Variants in PTBP1 observed in about 807,000 individuals in gnomAD.
PTBP1 encodes the protein polypyrimidine tract binding protein 1, also known as polypyrimidine tract-binding protein 1.
In PTBP1, 8 loss-of-function variants were observed where a neutral mutation model predicts 59.8. That is an observed-to-expected ratio of 0.13 (90% CI 0.08 to 0.24). PTBP1 has a LOEUF of 0.24. PTBP1 is among the 10% of genes least tolerant of loss of function. The pLI is 1.00. For missense variants in PTBP1, 686 were observed against 767.0 expected (o/e 0.89, Z 1.25); for synonymous variants, 490 against 320.7 (o/e 1.53, Z -5.64).
chr19:802,798 AG>A (rs1394801835), intron 2 of PTBP1, among the ~76,000 whole-genome samples: 6 of 152,210 alleles, frequency 3.9e-5, no homozygotes, highest in Non-Finnish European at 7.3e-5. Context: ...TCCTGAGCCT[AG>A]GATCAGTCTA....
chr19:806,044 C>T (rs889556480), intron 9 of PTBP1: 5 of 243,684 alleles, frequency 2.1e-5, no homozygotes, highest in South Asian at 8.7e-5. Context: ...GCCCGGCGGC[C>T]GCCTCGTCTG....
Position 808,587 on chromosome 19 carries a change from A to G in PTBP1, c.1288A>G (p.Ile430Val), listed in dbSNP as rs2034693796. 1 of 1,606,394 alleles carries G rather than the reference A, an allele frequency of 6.2e-7. No individual in the cohort carries two copies. Among genetic ancestry groups the G allele is most frequent in the South Asian group, 1.1e-5 (1 of 90,156 alleles). ...LNGHKLHGKP[I>V]RITLSKHQNV... ...CGGGCACAAGCTGCACGGGAAGCCC[A>G]TCCGCATCACGCTCTCGAAGCACCA... Residue 430 changes from isoleucine (I) to valine (V), a missense_variant, in exon 13 of 15, where the codon ATC becomes GTC. Physicochemically the swap from Ile to Val is conservative, Grantham distance 29. Transcript: ENST00000356948. This position sits in a 1 kb window ranked among gnomAD's most constrained non-coding sequence, Gnocchi z 4.7.
In PTBP1 at chr19:797,569, G is replaced by A. The variant is rs1599210609; in HGVS notation, c.8+64G>A. The A allele has an allele frequency of 5.7e-6, 7 of 1,232,048 alleles. No individual in the cohort carries two copies. The South Asian group carries it at 1.2e-4, about 22-fold the overall frequency. The allele number at this position is 1,232,048 out of a possible 1,614,324, so 76.3% of individuals were successfully genotyped here. On this transcript the variant is annotated intron_variant, in intron 1 of 14. Coordinates refer to ENST00000356948, the MANE Select transcript of PTBP1 (RefSeq NM_002819.5). ...GCGCCGCAGCCCTGCCCCCGCCGCC[G>A]CGCCGGCCTCCCCGGGGCCGATCTC...
intron 13 of PTBP1, 77 bp from the exon 14 acceptor site, chr19:810,466 T>A: frequency 7.8e-7 from 1 of 1,286,050 alleles, no homozygotes; most frequent in Non-Finnish European, 1.1e-6. Context: ...AAAACTAGTC[T>A]GGGGAAAGCC....
At chr19:804,002 T>A in intron 3 of PTBP1, 34 bp from the exon 4 acceptor site, 1 of 1,612,550 alleles carries the variant, frequency 6.2e-7, no homozygotes, top group Non-Finnish European at 8.5e-7. Flanking sequence ...CTCCTGCGAG[T>A]TGGTGCCTGC....
intron 13 of PTBP1, 78 bp from the exon 14 acceptor site, chr19:810,465 C>T (rs1216885198): frequency 8.6e-6 from 11 of 1,280,622 alleles, no homozygotes; most frequent in South Asian, 7.7e-5. Flanking sequence ...GAAAACTAGT[C>T]TGGGGAAAGC....
chr19:799,554 A>G (rs1488823614), intron 2 of PTBP1, 111 bp downstream of exon 2: 1 of 1,036,086 alleles, frequency 9.7e-7, no homozygotes, highest in African/African-American at 1.6e-5. Context: ...TCCATTCCTA[A>G]GGGGCACTAC....
chr19:806,663 G>A, intron 10 of PTBP1, 107 bp downstream of exon 10: 2 of 1,150,342 alleles, frequency 1.7e-6, no homozygotes, highest in East Asian at 3.2e-5. Context: ...CTGTGTCTGC[G>A]CCTCTGCCCT....
At chr19:801,879 ACT>A (rs375841598) in intron 2 of PTBP1, among the ~76,000 whole-genome samples, 4 of 151,978 alleles carry the variant, frequency 2.6e-5, no homozygotes, top group Admixed American at 6.6e-5. Flanking sequence ...GGGGCCCCAG[ACT>A]CTGAAAGCGA....
rs1382956257 is a variant in PTBP1 at position 797,813 on chromosome 19, C to G, written c.8+308C>G. On this transcript the variant is annotated intron_variant, in intron 1 of 14. Transcript: ENST00000356948. ...CCCGCACTTCGCCTTTGCCCCGCCT[C>G]GGCGGCGCGCGGCCCTTCCCGCTTC... Among the ~76,000 whole-genome samples the G allele has an allele frequency of 8.7e-5, 13 of 148,752 alleles. No homozygotes were observed. The South Asian group carries it at 2.7e-3, about 31-fold the overall frequency.
chr19:799,091 T>A (rs1195757461), intron 1 of PTBP1, among the ~76,000 whole-genome samples: 1 of 152,266 alleles, frequency 6.6e-6, no homozygotes. Context: ...CTCAGCGGCA[T>A]CTAGCATTCC....
chr19:806,720 C>T (rs751427072), intron 10 of PTBP1, 164 bp downstream of exon 10: 7 of 573,786 alleles, frequency 1.2e-5, no homozygotes, highest in East Asian at 3.5e-5. Flanking sequence ...TCCAAGATGG[C>T]TTGAGTTTTC....
rs1383092883 is a variant in PTBP1, at chr19:808,205, G to A, written c.1154-155G>A. 1.6e-5 allele frequency: 11 copies of A among 680,510 alleles called. No homozygotes were observed. The highest frequency in any genetic ancestry group is 1.1e-4 in the East Asian group (4 of 36,840). The allele number at this position is 680,510 out of a possible 1,614,324, so 42.2% of individuals were successfully genotyped here. ...TGAACGGAGCTGCTCCTGTTAGCGC[G>A]CCCTGTGGCTGCGAGACGCAGCTCC... On this transcript the variant is annotated intron_variant, in intron 11 of 14. Transcript: ENST00000356948. The surrounding 1 kb of genome is among the most constrained non-coding windows in gnomAD (Gnocchi z 4.7).
At chr19:803,008 C>T (rs554519747) in intron 2 of PTBP1, among the ~76,000 whole-genome samples, 9 of 151,778 alleles carry the variant, frequency 5.9e-5, no homozygotes, top group Non-Finnish European at 8.9e-5. Flanking sequence ...AGACGGAGGT[C>T]GGGTTTCTTT....
At chr19:805,405 C>G in intron 8 of PTBP1, 87 bp from the exon 9 acceptor site, 1 of 1,387,080 alleles carries the variant, frequency 7.2e-7, no homozygotes, top group Non-Finnish European at 1.0e-6. Flanking sequence ...GGCCGCCCGC[C>G]GGCCGGGTTG....
In PTBP1 at chr19:805,587, C is replaced by T; in HGVS notation, c.970+18C>T. The T allele has an allele frequency of 6.2e-7, 1 of 1,604,302 alleles. No homozygotes were observed. The highest frequency in any genetic ancestry group is 8.5e-7 in the Non-Finnish European group (1 of 1,171,146). ...AGCTGCAGGTATTCAAACGCTTGGTCTTGGTTCCCCAGCGACTGCATGCCC... is the reference window on the plus strand; with the variant it reads ...AGCTGCAGGTATTCAAACGCTTGGTTTTGGTTCCCCAGCGACTGCATGCCC... On this transcript the variant is annotated intron_variant, in intron 9 of 14. Coordinates refer to ENST00000356948, the MANE Select transcript of PTBP1 (RefSeq NM_002819.5).
In PTBP1 at chr19:808,800, G is replaced by A. The variant is rs751283887; in HGVS notation, c.1463+38G>A. 26 of 1,569,994 alleles carry A rather than the reference G, an allele frequency of 1.7e-5. No individual in the cohort carries two copies. Among genetic ancestry groups the A allele is most frequent in the South Asian group, 3.4e-5 (3 of 87,682 alleles). ...CCGGGGGGCTCATGGGGCCGGGGGC[G>A]GGCAAGGGCTCTGCTTGGCTGTCCT... On this transcript the variant is annotated intron_variant, in intron 13 of 14. Coordinates refer to ENST00000356948, the MANE Select transcript of PTBP1 (RefSeq NM_002819.5). The surrounding 1 kb of genome is among the most constrained non-coding windows in gnomAD (Gnocchi z 4.7).
Position 808,563 on chromosome 19 carries a change from G to T in PTBP1, c.1264G>T (p.Gly422Trp). 1 of 1,597,094 alleles carries T rather than the reference G, an allele frequency of 6.3e-7. No individual in the cohort carries two copies. Among genetic ancestry groups the T allele is most frequent in the Non-Finnish European group, 8.5e-7 (1 of 1,173,890 alleles). The stretch of plus-strand genomic sequence containing the variant: ...TCCCCCAGCCATGAGCCACCTGAAC[G>T]GGCACAAGCTGCACGGGAAGCCCAT... ...QAQLAMSHLN[G>W]HKLHGKPIRI... The change falls in exon 13 of 15, where the codon GGG becomes TGG. Residue 422 changes from glycine (G) to tryptophan (W), a missense_variant. Gly to Trp is a radical substitution (Grantham distance 184). Transcript: ENST00000356948. The surrounding 1 kb of genome is among the most constrained non-coding windows in gnomAD (Gnocchi z 4.7).
chr19:804,146 A>G lies in PTBP1; in HGVS notation c.226A>G (p.Ile76Val). 3 of 1,613,768 alleles carry G rather than the reference A, an allele frequency of 1.9e-6. No individual in the cohort carries two copies. The highest frequency in any genetic ancestry group is 2.5e-6 in the Non-Finnish European group (3 of 1,179,812). The change falls in exon 4 of 15, where the codon ATC becomes GTC. Residue 76 changes from isoleucine to valine, a missense_variant. Ile to Val is a conservative substitution (Grantham distance 29). Transcript: ENST00000356948. Reference sequence around the variant, plus strand: ...CATCGACGTCACGGAGGGGGAAGTCATCTCCCTGGGGCTGCCCTTTGGGAA... The same window carrying G: ...CATCGACGTCACGGAGGGGGAAGTCGTCTCCCTGGGGCTGCCCTTTGGGAA... ...LPIDVTEGEV[I>V]SLGLPFGKVT...
Sources: allele counts gnomAD v4.1 joint callset (sites outside exome capture counted in the v4.1 genomes callset), GRCh38; gene constraint gnomAD v4.1.1; non-coding constraint Gnocchi (gnomAD v3.1); transcripts MANE v1.5; gene names NCBI Gene and HGNC (gene_info 2026-07-23, HGNC 2026-07-21).